Variants in AFG2A observed in about 807,000 individuals in gnomAD.
The protein encoded by AFG2A is ATPase family gene 2 protein homolog A.
At chr4:123,177,702 T>C in the AFG2A span, among the ~76,000 whole-genome samples, 1 of 152,188 alleles carries the variant, frequency 6.6e-6, no homozygotes, top group African/African-American at 2.4e-5. Context: ...TAACTTTGAT[T>C]TTTCTAACTT....
At chr4:123,180,978 C>CTTTTTTTTTT in the AFG2A span, among the ~76,000 whole-genome samples, 4 of 118,366 alleles carry the variant, frequency 3.4e-5, no homozygotes, top group Non-Finnish European at 5.1e-5. Context: ...TCCTCCCCCT[C>CTTTTTTTTTT]TTTTTTTTTT....
chr4:122,977,055 A>T, the AFG2A span, among the ~76,000 whole-genome samples: 1 of 152,302 alleles, frequency 6.6e-6, no homozygotes, highest in Non-Finnish European at 1.5e-5. Context: ...CCCCTCCCCT[A>T]CAAGGACAAA....
the AFG2A span, among the ~76,000 whole-genome samples, chr4:123,195,255 C>T: frequency 6.6e-6 from 1 of 152,180 alleles, no homozygotes; most frequent in African/African-American, 2.4e-5. Context: ...ACTATCCACG[C>T]TATCCAAGTT....
At chr4:123,023,910 G>A in the AFG2A span, among the ~76,000 whole-genome samples, 1 of 151,826 alleles carries the variant, frequency 6.6e-6, no homozygotes, top group Non-Finnish European at 1.5e-5. Context: ...CGTTCTGGGG[G>A]CCCTCCGAGG....
chr4:122,942,509 T>C, the AFG2A span, among the ~76,000 whole-genome samples: 1 of 152,100 alleles, frequency 6.6e-6, no homozygotes, highest in Non-Finnish European at 1.5e-5. Flanking sequence ...TTGCGTCTAT[T>C]TGATTCTTCT....
chr4:122,989,832 C>A, the AFG2A span, among the ~76,000 whole-genome samples: 4 of 151,978 alleles, frequency 2.6e-5, no homozygotes, highest in African/African-American at 9.7e-5. Flanking sequence ...ACTTTACTTC[C>A]TAGATTCTTC....
At chr4:123,284,036 G>C in the AFG2A span, among the ~76,000 whole-genome samples, 1 of 151,996 alleles carries the variant, frequency 6.6e-6, no homozygotes. Flanking sequence ...TGGCAATTAT[G>C]ATCACTTACA....
At chr4:123,169,659 T>G in the AFG2A span, among the ~76,000 whole-genome samples, 1 of 152,158 alleles carries the variant, frequency 6.6e-6, no homozygotes, top group Admixed American at 6.5e-5. Flanking sequence ...TTTTGTATTT[T>G]TAATAGAGAC....
chr4:123,311,748 C>T, the AFG2A span, among the ~76,000 whole-genome samples: 4 of 151,838 alleles, frequency 2.6e-5, no homozygotes, highest in Admixed American at 6.6e-5. Context: ...GGACAGCCTT[C>T]TAGGCCCTAA....
chr4:122,951,090 G>T, the AFG2A span, among the ~76,000 whole-genome samples: 3 of 149,814 alleles, frequency 2.0e-5, no homozygotes, highest in African/African-American at 4.9e-5. Context: ...TGGTGTAGAT[G>T]CAGTGTGGGG....
the AFG2A span, among the ~76,000 whole-genome samples, chr4:122,964,135 T>G: frequency 6.6e-6 from 1 of 152,230 alleles, no homozygotes; most frequent in Non-Finnish European, 1.5e-5. Flanking sequence ...AAATGGAAAC[T>G]GTATTTAGGG....
chr4:123,273,599 A>ATCCAAAATCCAAAATGC, the AFG2A span, among the ~76,000 whole-genome samples: 37 of 152,276 alleles, frequency 2.4e-4, no homozygotes, highest in South Asian at 6.4e-3. Context: ...TAATCTGAAA[A>ATCCAAAATCCAAAATGC]TCCAAAATCC....
At chr4:123,062,339 A>G in the AFG2A span, among the ~76,000 whole-genome samples, 1 of 152,218 alleles carries the variant, frequency 6.6e-6, no homozygotes, top group Non-Finnish European at 1.5e-5. Flanking sequence ...ACTATATACC[A>G]TATGGCCTAT....
At chr4:123,107,827 T>C in the AFG2A span, among the ~76,000 whole-genome samples, 1 of 152,230 alleles carries the variant, frequency 6.6e-6, no homozygotes, top group Non-Finnish European at 1.5e-5. Flanking sequence ...AGTGTCTCCC[T>C]GAGCACAGGC....
At chr4:122,923,094 G>T in the AFG2A span, 7 of 1,608,612 alleles carry the variant, frequency 4.4e-6, no homozygotes, top group African/African-American at 2.7e-5. Flanking sequence ...GTTGAAGCGC[G>T]CACATTGAGT....
the AFG2A span, among the ~76,000 whole-genome samples, chr4:123,042,202 C>A: frequency 6.6e-6 from 1 of 152,144 alleles, no homozygotes; most frequent in African/African-American, 2.4e-5. Flanking sequence ...GTTTAAACAA[C>A]AGAAATCTAT....
the AFG2A span, among the ~76,000 whole-genome samples, chr4:122,924,929 A>T: frequency 5.7e-3 from 863 of 152,254 alleles, 8 homozygotes; most frequent in African/African-American, 0.019. Context: ...CTATATACTT[A>T]TTCTCCTGTT....
the AFG2A span, among the ~76,000 whole-genome samples, chr4:123,210,824 G>A: frequency 2.6e-5 from 4 of 151,872 alleles, no homozygotes; most frequent in Admixed American, 2.6e-4. Context: ...GTAGAAAAAG[G>A]GACCCCTTTT....
At chr4:123,092,988 G>T in the AFG2A span, among the ~76,000 whole-genome samples, 3 of 152,140 alleles carry the variant, frequency 2.0e-5, no homozygotes, top group Non-Finnish European at 4.4e-5. Flanking sequence ...AAAATCTCTG[G>T]ACCTTGAAGT....
Sources: gnomAD v4.1 joint callset for allele counts (sites outside exome capture counted in the v4.1 genomes callset) on GRCh38, gnomAD v4.1.1 for gene constraint, MANE v1.5 for transcripts, NCBI Gene and HGNC (gene_info 2026-07-23, HGNC 2026-07-21) for gene names.